GLIS3: variants seen among roughly 807,000 people sequenced by gnomAD.
GLIS3 encodes the protein zinc finger protein GLIS3.
GLIS3 carries 53 observed loss-of-function variants against 78.6 expected under a neutral mutation model. That is an observed-to-expected ratio of 0.67 (90% CI 0.54 to 0.85). The LOEUF (loss-of-function observed/expected upper bound fraction) is 0.85. GLIS3 is among the 40% of genes least tolerant of loss of function. GLIS3 has a pLI of 0.00. For synonymous variants in GLIS3, 684 were observed against 509.9 expected, an observed-to-expected ratio of 1.34 and a Z score of -4.60; for missense variants, 1,703 against 1,231.1, an observed-to-expected ratio of 1.38 and a Z score of -5.74.
chr9:4,313,864 T>C (rs1381056227), intron 2 of GLIS3, among the ~76,000 whole-genome samples: 3 of 152,226 alleles, frequency 2.0e-5, no homozygotes, highest in African/African-American at 7.2e-5. Context: ...CATGGTCTTT[T>C]ACACCTCTAT....
chr9:4,355,601 G>A, the GLIS3 span, among the ~76,000 whole-genome samples: 2 of 152,082 alleles, frequency 1.3e-5, no homozygotes, highest in South Asian at 2.1e-4. Flanking sequence ...AGGGGAAGGA[G>A]GAGTCAAAGA....
At chr9:4,112,951 C>G (rs1309802619) in intron 4 of GLIS3, among the ~76,000 whole-genome samples, 1 of 152,060 alleles carries the variant, frequency 6.6e-6, no homozygotes, top group Non-Finnish European at 1.5e-5. Context: ...GATGTAACCA[C>G]TATCCTAAAA....
At chr9:4,122,832 G>C (rs1054468627) in intron 3 of GLIS3, among the ~76,000 whole-genome samples, 3 of 152,152 alleles carry the variant, frequency 2.0e-5, no homozygotes, top group Non-Finnish European at 4.4e-5. Context: ...CCTCAGCCTT[G>C]TCATTTTAGG....
chr9:4,062,464 G>C (rs991862883), intron 4 of GLIS3, among the ~76,000 whole-genome samples: 1 of 151,960 alleles, frequency 6.6e-6, no homozygotes, highest in African/African-American at 2.4e-5. Context: ...ATGAATACTG[G>C]GTTTAGGATT....
intron 6 of GLIS3, among the ~76,000 whole-genome samples, chr9:3,926,233 G>GTT (rs369677580): frequency 0.062 from 8,359 of 135,096 alleles, 433 homozygotes; most frequent in South Asian, 0.072. Flanking sequence ...TTTTTCTTTT[G>GTT]TTTTTTTTTT....
intron 9 of GLIS3, 113 bp from the exon 10 acceptor site, chr9:3,829,605 A>C: frequency 3.1e-6 from 3 of 980,578 alleles, no homozygotes; most frequent in Non-Finnish European, 4.8e-6. Context: ...AATGCCTTTA[A>C]CTCTTAAGGC....
At chr9:4,431,004 A>T in the GLIS3 span, among the ~76,000 whole-genome samples, 6 of 152,186 alleles carry the variant, frequency 3.9e-5, no homozygotes, top group African/African-American at 1.4e-4. Context: ...CACACAGAAG[A>T]GCTTCACACA....
intron 2 of GLIS3, among the ~76,000 whole-genome samples, chr9:4,330,506 A>G (rs1185875677): frequency 2.6e-5 from 4 of 152,226 alleles, no homozygotes; most frequent in Non-Finnish European, 1.5e-5. Context: ...CAGAGAAATT[A>G]AACAACCTCC....
intron 4 of GLIS3, among the ~76,000 whole-genome samples, chr9:3,970,183 C>G (rs1818276699): frequency 6.6e-6 from 1 of 152,196 alleles, no homozygotes; most frequent in Non-Finnish European, 1.5e-5. Context: ...ATATCTGGCA[C>G]AGATCCTTCT....
At chr9:4,156,529 C>G (rs753225577) in intron 2 of GLIS3, among the ~76,000 whole-genome samples, 1 of 152,168 alleles carries the variant, frequency 6.6e-6, no homozygotes, top group Non-Finnish European at 1.5e-5. Context: ...AAGTAGGGCA[C>G]AGAGATGCTT....
At chr9:4,199,048 G>C (rs1340271593) in intron 2 of GLIS3, among the ~76,000 whole-genome samples, 1 of 152,112 alleles carries the variant, frequency 6.6e-6, no homozygotes, top group Non-Finnish European at 1.5e-5. Flanking sequence ...AATCTTACAA[G>C]ATAACCATAA....
chr9:4,150,396 G>A (rs1364288592), intron 2 of GLIS3, among the ~76,000 whole-genome samples: 1 of 152,178 alleles, frequency 6.6e-6, no homozygotes, highest in African/African-American at 2.4e-5. Flanking sequence ...CCAGCCATAT[G>A]GAGGCAAGAG....
intron 4 of GLIS3, among the ~76,000 whole-genome samples, chr9:4,099,017 G>A (rs564631239): frequency 2.4e-4 from 37 of 152,256 alleles, no homozygotes; most frequent in African/African-American, 8.9e-4. Context: ...GACACATCTG[G>A]TTGACCCTTC....
intron 4 of GLIS3, chr9:4,034,666 C>A (rs1824157643): frequency 6.6e-6 from 1 of 152,170 alleles, no homozygotes; most frequent in South Asian, 2.1e-4. Context: ...GTTTGGGGAG[C>A]CACATGACAC....
At chr9:4,063,648 A>G (rs1267731408) in intron 4 of GLIS3, among the ~76,000 whole-genome samples, 2 of 152,220 alleles carry the variant, frequency 1.3e-5, no homozygotes, top group African/African-American at 2.4e-5. Context: ...CTAGAACTCA[A>G]TAATGTATAA....
In GLIS3 at chr9:3,846,537, T is replaced by C. The variant is rs16919773; in HGVS notation, c.2473+9472A>G. Among the ~76,000 whole-genome samples the C allele has an allele frequency of 0.024, 3,616 of 152,288 alleles. 326 individuals carry two copies. The East Asian group carries it at 0.31, about 13-fold the overall frequency. On this transcript the variant is annotated intron_variant, in intron 9 of 10. Coordinates refer to ENST00000381971, the MANE Select transcript of GLIS3 (RefSeq NM_001042413.2). ...GTCTGAAACAGGGGTGTCAGTATCA[T>C]CTATTAAACTTGAGAACCTCAGAAT...
At chr9:4,144,948 C>T (rs962658775) in intron 2 of GLIS3, 14 of 152,302 alleles carry the variant, frequency 9.2e-5, no homozygotes, top group South Asian at 2.1e-4. Context: ...TAATCCTCTC[C>T]GGAAAAACCA....
At chr9:4,073,917 C>T (rs972484163) in intron 4 of GLIS3, among the ~76,000 whole-genome samples, 1 of 152,136 alleles carries the variant, frequency 6.6e-6, no homozygotes, top group Non-Finnish European at 1.5e-5. Context: ...ACACAAAGTC[C>T]TGCTTACAAT....
chr9:4,063,086 C>A (rs1308405558), intron 4 of GLIS3, among the ~76,000 whole-genome samples: 1 of 150,538 alleles, frequency 6.6e-6, no homozygotes, highest in Non-Finnish European at 1.5e-5. Flanking sequence ...AGTTCCATAT[C>A]TGCAAAAAAA....
Sources: gnomAD v4.1 joint callset for allele counts (sites outside exome capture counted in the v4.1 genomes callset) on GRCh38, gnomAD v4.1.1 for gene constraint, MANE v1.5 for transcripts, NCBI Gene and HGNC (gene_info 2026-07-23, HGNC 2026-07-21) for gene names.